DOCK2: variants seen among roughly 807,000 people sequenced by gnomAD.
DOCK2 encodes the protein dedicator of cytokinesis protein 2.
In DOCK2, 87 loss-of-function variants were observed where a neutral mutation model predicts 248.9. That is an observed-to-expected ratio of 0.35 (90% CI 0.29 to 0.42). DOCK2 has a LOEUF of 0.42. DOCK2 is among the 10% of genes least tolerant of loss of function. The pLI is 1.00. For missense variants in DOCK2, 1,747 were observed against 2,300.2 expected, an observed-to-expected ratio of 0.76 and a Z score of 4.92; for synonymous variants, 805 against 821.6, an observed-to-expected ratio of 0.98 and a Z score of 0.35.
chr5:169,921,240 T>A (rs578030135), intron 27 of DOCK2, among the ~76,000 whole-genome samples: 5 of 152,350 alleles, frequency 3.3e-5, no homozygotes, highest in African/African-American at 1.2e-4. Context: ...TTCCTCCTGA[T>A]GTAAGATTTT....
At position 169,691,449 on chromosome 5, in the gene DOCK2, G is replaced by A. The variant is rs182289900; in HGVS notation, c.843+2116G>A. On this transcript the variant is annotated intron_variant, in intron 9 of 51. Transcript: ENST00000520908. The stretch of plus-strand genomic sequence containing the variant: ...GCCAATGAGTGCCTACTATGCATGT[G>A]CTCTGTGCTAAGCACTGGCCATACA... Among the ~76,000 whole-genome samples the A allele has an allele frequency of 2.2e-4, 34 of 152,328 alleles. No individual in the cohort carries two copies. The East Asian group carries it at 6.2e-3, about 28-fold the overall frequency.
intron 22 of DOCK2, among the ~76,000 whole-genome samples, chr5:169,736,095 T>TC (rs1483694479): frequency 6.6e-5 from 10 of 152,266 alleles, no homozygotes; most frequent in African/African-American, 1.9e-4. Flanking sequence ...CATGATCCAA[T>TC]CATCTCTCGC....
rs1401328923 is a variant in DOCK2 at position 169,882,675 on chromosome 5, T to G, written c.2799+41823T>G. 1.3e-6 allele frequency: 2 copies of G among 1,551,848 alleles called. No individual in the cohort carries two copies. The highest frequency in any genetic ancestry group is 2.0e-5 in the Admixed American group (1 of 50,982). The stretch of plus-strand genomic sequence containing the variant: ...GCAGTCGGCCTTGGAGGTCGCAGAG[T>G]TCACCCCGTGCCAGGTGAATTTGAT... On this transcript the variant is annotated intron_variant, in intron 27 of 51. Coordinates refer to ENST00000520908, the MANE Select transcript of DOCK2 (RefSeq NM_004946.3).
intron 27 of DOCK2, among the ~76,000 whole-genome samples, chr5:169,902,895 C>T (rs145547214): frequency 0.018 from 2,778 of 152,106 alleles, 84 homozygotes; most frequent in African/African-American, 0.064. Context: ...GTCAAGAGAT[C>T]GAGACCATCT....
intron 26 of DOCK2, among the ~76,000 whole-genome samples, chr5:169,825,781 CTA>C (rs147276096): frequency 1.0e-4 from 15 of 145,636 alleles, no homozygotes; most frequent in Non-Finnish European, 9.0e-5. Context: ...AAAAATATAT[CTA>C]TATATATATA....
chr5:169,971,733 A>G (rs1777516081), intron 27 of DOCK2, among the ~76,000 whole-genome samples: 1 of 152,260 alleles, frequency 6.6e-6, no homozygotes, highest in Admixed American at 6.5e-5. Flanking sequence ...AAGGCAACAC[A>G]GTAGGCAGGT....
chr5:169,775,957 G>A (rs1765360037), intron 25 of DOCK2, among the ~76,000 whole-genome samples: 1 of 151,748 alleles, frequency 6.6e-6, no homozygotes, highest in South Asian at 2.1e-4. Context: ...TGCTTCTGAA[G>A]ATGTTGGCCC....
Position 169,712,224 on chromosome 5 carries a change from G to C in DOCK2, c.1659+1G>C. The C allele has an allele frequency of 6.2e-7, 1 of 1,613,900 alleles. No individual in the cohort carries two copies. Among genetic ancestry groups the C allele is most frequent in the Non-Finnish European group, 8.5e-7 (1 of 1,179,804 alleles). On this transcript the variant is annotated splice_donor_variant, in intron 17 of 51. Transcript: ENST00000520908. LOFTEE classifies it high-confidence loss of function. Reference sequence around the variant, plus strand: ...ATTCCATGACTTAGTTGTCCTCAAGGTACCATGAGTTGGAAGGAGCTCTGC... The same window carrying C: ...ATTCCATGACTTAGTTGTCCTCAAGCTACCATGAGTTGGAAGGAGCTCTGC...
intron 23 of DOCK2, among the ~76,000 whole-genome samples, chr5:169,749,774 T>C (rs1561660907): frequency 6.6e-6 from 1 of 152,254 alleles, no homozygotes; most frequent in East Asian, 1.9e-4. Flanking sequence ...TGCAGTCTTC[T>C]AGTTTTTATT....
chr5:169,740,636 A>G (rs760551763), intron 22 of DOCK2, among the ~76,000 whole-genome samples: 1 of 152,250 alleles, frequency 6.6e-6, no homozygotes, highest in Non-Finnish European at 1.5e-5. Flanking sequence ...TCAATGAAGT[A>G]AAGCCTGCAC....
chr5:169,643,829 G>T (rs1422866956), intron 1 of DOCK2, among the ~76,000 whole-genome samples: 2 of 152,184 alleles, frequency 1.3e-5, no homozygotes, highest in East Asian at 3.8e-4. Context: ...TGGGGTAATA[G>T]GCATTTGTTT....
chr5:169,934,241 T>C (rs573678210), intron 27 of DOCK2, among the ~76,000 whole-genome samples: 1 of 152,170 alleles, frequency 6.6e-6, no homozygotes, highest in Non-Finnish European at 1.5e-5. Flanking sequence ...GGATTGTGAA[T>C]TCCTTGGAAC....
intron 9 of DOCK2, among the ~76,000 whole-genome samples, chr5:169,691,280 G>A (rs1760282481): frequency 6.6e-6 from 1 of 152,114 alleles, no homozygotes; most frequent in Non-Finnish European, 1.5e-5. Flanking sequence ...GCACCCCCAT[G>A]ATCCAATCAC....
chr5:169,839,509 G>A (rs261622), intron 26 of DOCK2, among the ~76,000 whole-genome samples: 69,026 of 151,250 alleles, frequency 0.46, 16,421 homozygotes, highest in African/African-American at 0.6. Context: ...CCACCCTCGC[G>A]TATGCATGGT....
intron 26 of DOCK2, among the ~76,000 whole-genome samples, chr5:169,815,247 G>A (rs1387056352): frequency 6.6e-6 from 1 of 152,188 alleles, no homozygotes; most frequent in East Asian, 1.9e-4. Context: ...TATTCTTGGG[G>A]AATCCATCTG....
At position 169,883,711 on chromosome 5, in the gene DOCK2, G is replaced by A. The variant is rs556297294; in HGVS notation, c.2799+42859G>A. Reference sequence around the variant, plus strand: ...GGTTGCTTGAGTCTTCCCCATCACAGCCGGGTCTTCTGGAGTTTGGACGTC... The same window carrying A: ...GGTTGCTTGAGTCTTCCCCATCACAACCGGGTCTTCTGGAGTTTGGACGTC... On this transcript the variant is annotated intron_variant, in intron 27 of 51. Coordinates refer to ENST00000520908, the MANE Select transcript of DOCK2 (RefSeq NM_004946.3). 8 of 1,551,536 alleles carry A rather than the reference G, an allele frequency of 5.2e-6. No individual in the cohort carries two copies. In the South Asian group the frequency reaches 8.3e-5, roughly 16 times the overall value.
At chr5:169,641,939 C>G (rs1343946948) in intron 1 of DOCK2, among the ~76,000 whole-genome samples, 1 of 152,220 alleles carries the variant, frequency 6.6e-6, no homozygotes, top group Non-Finnish European at 1.5e-5. Flanking sequence ...AGTCAGAGTT[C>G]ATTGCCAGCC....
At position 170,069,121 on chromosome 5, in the gene DOCK2, T is replaced by A. The variant is rs749334710; in HGVS notation, c.4645-16T>A. The A allele has an allele frequency of 6.2e-7, 1 of 1,612,178 alleles. No individual in the cohort carries two copies. The highest frequency in any genetic ancestry group is 8.5e-7 in the Non-Finnish European group (1 of 1,179,054). On this transcript the variant is annotated splice_polypyrimidine_tract_variant and intron_variant, in intron 45 of 51. Transcript: ENST00000520908. Reference sequence around the variant, plus strand: ...ACATGAACAGGAAACCCTGACCTCCTATCTGTCCTCCCCAGGCCTTCTTCA... The same window carrying A: ...ACATGAACAGGAAACCCTGACCTCCAATCTGTCCTCCCCAGGCCTTCTTCA...
chr5:170,078,955 C>G lies in DOCK2; in HGVS notation c.4995-20C>G. On this transcript the variant is annotated intron_variant, in intron 48 of 51. Transcript: ENST00000520908. ...GAAGCTCTAACTGCAGTTTCTATTG[C>G]TGCCCCTCTGGCCTTTCAGCTTTGA... is the stretch of plus-strand genomic sequence containing the variant. 6.2e-7 allele frequency: 1 copy of G among 1,612,536 alleles called. No individual in the cohort carries two copies. The highest frequency in any genetic ancestry group is 8.5e-7 in the Non-Finnish European group (1 of 1,178,936).
Sources: allele counts gnomAD v4.1 joint callset (sites outside exome capture counted in the v4.1 genomes callset), GRCh38; gene constraint gnomAD v4.1.1; transcripts MANE v1.5; gene names NCBI Gene and HGNC (gene_info 2026-07-23, HGNC 2026-07-21).